Variants in TMEM108 observed in about 807,000 individuals in gnomAD.
TMEM108 encodes the protein transmembrane protein 108.
TMEM108 carries 12 observed loss-of-function variants against 35.1 expected under a neutral mutation model. The ratio of observed to expected loss-of-function variants is 0.34; its 90% CI spans 0.22 to 0.55. The LOEUF (loss-of-function observed/expected upper bound fraction) is 0.55. TMEM108 is among the 20% of genes least tolerant of loss of function. The probability of loss-of-function intolerance (pLI) is 0.89; values close to 1 mark genes in which losing one functional copy is unlikely to be tolerated. For synonymous variants in TMEM108, 287 were observed against 308.6 expected (o/e 0.93, Z 0.73); for missense variants, 680 against 753.3 (o/e 0.90, Z 1.14).
intron 2 of TMEM108, among the ~76,000 whole-genome samples, chr3:133,201,312 T>G (rs1032442594): frequency 1.3e-5 from 2 of 152,098 alleles, no homozygotes; most frequent in Non-Finnish European, 2.9e-5. Flanking sequence ...AAAAAAAAAT[T>G]TATACTTTAA....
chr3:133,150,973 A>G (rs773931943), intron 2 of TMEM108, among the ~76,000 whole-genome samples: 1 of 152,120 alleles, frequency 6.6e-6, no homozygotes, highest in Non-Finnish European at 1.5e-5. Context: ...TCCCAATGTA[A>G]GTATATGAGT....
chr3:133,087,486 G>A (rs995828203), intron 2 of TMEM108, among the ~76,000 whole-genome samples: 4 of 152,124 alleles, frequency 2.6e-5, no homozygotes, highest in Non-Finnish European at 5.9e-5. Flanking sequence ...ATGTCTTTTT[G>A]TTCTCTCTGA....
At chr3:133,196,121 A>G (rs1316462238) in intron 2 of TMEM108, among the ~76,000 whole-genome samples, 1 of 152,094 alleles carries the variant, frequency 6.6e-6, no homozygotes, top group African/African-American at 2.4e-5. Context: ...TCATCTTCTC[A>G]TTGTTTTTAA....
intron 3 of TMEM108, among the ~76,000 whole-genome samples, chr3:133,352,211 A>T (rs562053304): frequency 6.6e-6 from 1 of 152,288 alleles, no homozygotes; most frequent in South Asian, 2.1e-4. Context: ...ATACATGCCC[A>T]TGTGTGATAG....
chr3:133,126,916 GTATT>G (rs566788019), intron 2 of TMEM108, among the ~76,000 whole-genome samples: 53 of 152,126 alleles, frequency 3.5e-4, no homozygotes, highest in African/African-American at 1.2e-3. Flanking sequence ...ATTTTTTGTT[GTATT>G]TATTTAAAAA....
At chr3:133,127,652 CTT>C (rs1204844349) in intron 2 of TMEM108, among the ~76,000 whole-genome samples, 3 of 152,216 alleles carry the variant, frequency 2.0e-5, no homozygotes, top group African/African-American at 4.8e-5. Flanking sequence ...TCAGGCTCCT[CTT>C]GTCTTCCACT....
chr3:133,178,770 C>G (rs1179625971), intron 2 of TMEM108, among the ~76,000 whole-genome samples: 2 of 152,216 alleles, frequency 1.3e-5, no homozygotes, highest in African/African-American at 2.4e-5. Context: ...ATGTCTAAAA[C>G]ACCAAAAGCA....
At chr3:133,073,716 A>G (rs987055338) in intron 2 of TMEM108, among the ~76,000 whole-genome samples, 1 of 151,122 alleles carries the variant, frequency 6.6e-6, no homozygotes, top group Non-Finnish European at 1.5e-5. Context: ...TTCTATTTTA[A>G]TTTTTTGAGG....
chr3:133,239,463 GT>G (rs1475948381), intron 3 of TMEM108, among the ~76,000 whole-genome samples: 1 of 152,088 alleles, frequency 6.6e-6, no homozygotes, highest in Non-Finnish European at 1.5e-5. Flanking sequence ...CCCAGACCCC[GT>G]CCCAGAGCAA....
At chr3:133,277,866 A>G (rs1946859094) in intron 3 of TMEM108, among the ~76,000 whole-genome samples, 1 of 152,200 alleles carries the variant, frequency 6.6e-6, no homozygotes, top group Non-Finnish European at 1.5e-5. Flanking sequence ...ATCAGGTGCA[A>G]GGAGCAGCAA....
intron 2 of TMEM108, among the ~76,000 whole-genome samples, chr3:133,217,957 A>G (rs1219291196): frequency 1.3e-5 from 2 of 152,058 alleles, no homozygotes; most frequent in Non-Finnish European, 2.9e-5. Flanking sequence ...TTCTGTAAAA[A>G]ATGTCATTGG....
chr3:133,115,375 G>A (rs1404418124), intron 2 of TMEM108, among the ~76,000 whole-genome samples: 1 of 152,128 alleles, frequency 6.6e-6, no homozygotes, highest in Non-Finnish European at 1.5e-5. Flanking sequence ...TAGATGCCTG[G>A]CATCATTCTT....
intron 2 of TMEM108, 54 bp from the exon 3 acceptor site, chr3:133,229,212 G>A: frequency 8.1e-7 from 1 of 1,227,338 alleles, no homozygotes; most frequent in Non-Finnish European, 1.2e-6. Flanking sequence ...AGTTATTTCT[G>A]ATTTTTAAAT....
intron 2 of TMEM108, among the ~76,000 whole-genome samples, chr3:133,118,828 A>G (rs1944317631): frequency 6.6e-6 from 1 of 152,146 alleles, no homozygotes; most frequent in Non-Finnish European, 1.5e-5. Flanking sequence ...GTGTAAAAAG[A>G]CGTAAGATTA....
chr3:133,234,331 C>T (rs1238909321), intron 3 of TMEM108, among the ~76,000 whole-genome samples: 1 of 152,138 alleles, frequency 6.6e-6, no homozygotes, highest in Non-Finnish European at 1.5e-5. Flanking sequence ...CCTTGATGAA[C>T]ATTGATGCAA....
chr3:133,145,272 G>C (rs1337054381), intron 2 of TMEM108, among the ~76,000 whole-genome samples: 2 of 152,164 alleles, frequency 1.3e-5, no homozygotes, highest in African/African-American at 4.8e-5. Flanking sequence ...TCAGATGGTT[G>C]TAGATGTGTG....
chr3:133,173,858 T>A (rs1048646587), intron 2 of TMEM108, among the ~76,000 whole-genome samples: 2 of 152,096 alleles, frequency 1.3e-5, no homozygotes, highest in African/African-American at 4.8e-5. Context: ...GTGCACCAAG[T>A]GTGAGCCGAA....
chr3:133,053,854 C>T (rs1943434224), intron 2 of TMEM108, among the ~76,000 whole-genome samples: 1 of 152,126 alleles, frequency 6.6e-6, no homozygotes, highest in Admixed American at 6.5e-5. Flanking sequence ...TTATCGTTCC[C>T]ACAACCTAAC....
At chr3:133,383,346 C>A (rs1251949553) in intron 4 of TMEM108, among the ~76,000 whole-genome samples, 3 of 152,142 alleles carry the variant, frequency 2.0e-5, no homozygotes, top group Non-Finnish European at 2.9e-5. Context: ...GAGTGAGTCA[C>A]CAGGTGAAGT....
Sources: allele counts gnomAD v4.1 joint callset (sites outside exome capture counted in the v4.1 genomes callset), GRCh38; gene constraint gnomAD v4.1.1; transcripts MANE v1.5; gene names NCBI Gene and HGNC (gene_info 2026-07-23, HGNC 2026-07-21).